The following ATP2B2 variants were observed in gnomAD, a reference collection of about 807,000 sequenced individuals.
ATP2B2 encodes the protein plasma membrane calcium-transporting ATPase 2.
ATP2B2 carries 15 observed loss-of-function variants against 120.0 expected under a neutral mutation model. The ratio of observed to expected loss-of-function variants is 0.12; its 90% CI spans 0.08 to 0.19. The LOEUF (loss-of-function observed/expected upper bound fraction) is 0.19. ATP2B2 is among the 10% of genes least tolerant of loss of function. The pLI is 1.00. For missense variants in ATP2B2, 1,045 were observed against 1,719.8 expected (o/e 0.61, Z 6.94); for synonymous variants, 694 against 700.3 (o/e 0.99, Z 0.14).
At chr3:10,421,035 T>C (rs1162031623) in intron 2 of ATP2B2, among the ~76,000 whole-genome samples, 1 of 152,048 alleles carries the variant, frequency 6.6e-6, no homozygotes, top group Non-Finnish European at 1.5e-5. Flanking sequence ...TTGTTAGAAA[T>C]GCACATTCTC....
At chr3:10,389,944 G>C (rs892821605) in intron 5 of ATP2B2, among the ~76,000 whole-genome samples, 5 of 152,204 alleles carry the variant, frequency 3.3e-5, no homozygotes, top group Admixed American at 2.6e-4. Context: ...CTGGTCCTTT[G>C]TCCTTTGATT....
At chr3:10,639,846 A>T (rs2070123539) in intron 1 of ATP2B2, among the ~76,000 whole-genome samples, 1 of 152,186 alleles carries the variant, frequency 6.6e-6, no homozygotes, top group Admixed American at 6.5e-5. Flanking sequence ...GATGTCTCCC[A>T]TTGCTTAAAC....
At chr3:10,407,082 C>G (rs140148797) in intron 3 of ATP2B2, among the ~76,000 whole-genome samples, 2 of 152,262 alleles carry the variant, frequency 1.3e-5, no homozygotes, top group East Asian at 3.9e-4. Flanking sequence ...GAGTTTCTCC[C>G]CAGTGCGGGA....
intron 1 of ATP2B2, among the ~76,000 whole-genome samples, chr3:10,634,963 G>C (rs563431253): frequency 2.2e-4 from 33 of 152,310 alleles, no homozygotes; most frequent in African/African-American, 7.5e-4. Flanking sequence ...AAGGATCAGA[G>C]GGTTGGGGTG....
rs139722035 is a variant in ATP2B2, at chr3:10,389,183, T to C, written c.782-781A>G. Among the ~76,000 whole-genome samples, 57 of 152,054 alleles carry C rather than the reference T, an allele frequency of 3.7e-4. 1 individual carries two copies. In the East Asian group the frequency reaches 0.011, roughly 29 times the overall value. On this transcript the variant is annotated intron_variant, in intron 5 of 22. Coordinates refer to ENST00000360273, the MANE Select transcript of ATP2B2 (RefSeq NM_001001331.4). ...TTTCCAGGGGCTGGAAGTGTAGCTA[T>C]GGTGGGTGAAGGAGGCCTTTGGTCA...
intron 1 of ATP2B2, among the ~76,000 whole-genome samples, chr3:10,671,981 T>C (rs1263298311): frequency 6.6e-6 from 1 of 152,068 alleles, no homozygotes; most frequent in East Asian, 1.9e-4. Context: ...GGGCAGAGGG[T>C]CCTGAGTTAC....
At chr3:10,525,199 A>C (rs966084502) in intron 3 of ATP2B2, among the ~76,000 whole-genome samples, 3 of 152,064 alleles carry the variant, frequency 2.0e-5, no homozygotes, top group Non-Finnish European at 4.4e-5. Context: ...ATTCAAGAAG[A>C]CCTCAGCACC....
intron 1 of ATP2B2, among the ~76,000 whole-genome samples, chr3:10,655,995 G>A (rs755754583): frequency 1.4e-4 from 21 of 152,188 alleles, no homozygotes; most frequent in Admixed American, 3.9e-4. Flanking sequence ...TGAGAGAGCG[G>A]GGAAAACAAT....
intron 3 of ATP2B2, among the ~76,000 whole-genome samples, chr3:10,515,853 C>T (rs1291991080): frequency 2.6e-5 from 4 of 152,288 alleles, no homozygotes; most frequent in Middle Eastern, 3.4e-3. Context: ...GTTACATGCA[C>T]AATTAATGGT....
intron 2 of ATP2B2, among the ~76,000 whole-genome samples, chr3:10,607,980 CTCA>C (rs1022152212): frequency 3.9e-5 from 6 of 152,186 alleles, no homozygotes; most frequent in African/African-American, 1.4e-4. Flanking sequence ...TGTCCCCTCT[CTCA>C]TCAAGAGGCA....
In ATP2B2 at chr3:10,422,045, C is replaced by A. The variant is rs116330411; in HGVS notation, c.200-11230G>T. Among the ~76,000 whole-genome samples, 296 of 152,290 alleles carry A rather than the reference C, an allele frequency of 1.9e-3. 1 individual carries two copies. Among genetic ancestry groups the A allele is most frequent in the African/African-American group, 5.9e-3 (244 of 41,552 alleles). On this transcript the variant is annotated intron_variant, in intron 2 of 22. Coordinates refer to ENST00000360273, the MANE Select transcript of ATP2B2 (RefSeq NM_001001331.4). The stretch of plus-strand genomic sequence containing the variant: ...GGTTTTGGCCCTGGGGGTCAAACAC[C>A]AACTGAGACCCACCCTTTGCCACTA...
At chr3:10,515,530 G>C (rs2066860868) in intron 3 of ATP2B2, among the ~76,000 whole-genome samples, 1 of 152,082 alleles carries the variant, frequency 6.6e-6, no homozygotes, top group Admixed American at 6.5e-5. Context: ...GACTTGGTGG[G>C]AGCTCTCAGC....
At chr3:10,509,535 C>T (rs73811920), upstream of ATP2B2, among the ~76,000 whole-genome samples, 6,887 of 152,274 alleles carry the variant, frequency 0.045, 373 homozygotes, top group African/African-American at 0.14. Context: ...CAGGGCCTTA[C>T]GTGAAAGTTA....
At chr3:10,536,737 AG>A (rs142030317) in intron 2 of ATP2B2, among the ~76,000 whole-genome samples, 6,945 of 152,210 alleles carry the variant, frequency 0.046, 194 homozygotes, top group East Asian at 0.13. Context: ...TAAGTTGCCC[AG>A]GCTGGTCCTG....
At chr3:10,403,768 G>A (rs1418525505) in intron 3 of ATP2B2, among the ~76,000 whole-genome samples, 1 of 152,256 alleles carries the variant, frequency 6.6e-6, no homozygotes, top group East Asian at 1.9e-4. Context: ...AGCTGGCTGA[G>A]AGAAGGGTAC....
At chr3:10,551,897 C>G (rs2067677509) in intron 2 of ATP2B2, among the ~76,000 whole-genome samples, 1 of 152,210 alleles carries the variant, frequency 6.6e-6, no homozygotes, top group Admixed American at 6.5e-5. Context: ...CTAGGCTGGG[C>G]CAGCTCCCTA....
intron 2 of ATP2B2, among the ~76,000 whole-genome samples, chr3:10,582,105 G>T (rs991429783): frequency 3.3e-5 from 5 of 152,188 alleles, no homozygotes; most frequent in Non-Finnish European, 5.9e-5. Context: ...TTTGGCGCTT[G>T]CAAGAACATT....
At chr3:10,672,864 A>C (rs561978074) in intron 1 of ATP2B2, among the ~76,000 whole-genome samples, 2 of 152,310 alleles carry the variant, frequency 1.3e-5, no homozygotes, top group South Asian at 4.2e-4. Flanking sequence ...ACATTCTTAT[A>C]ATCCAGAGGG....
chr3:10,508,828 A>G (rs1248161886), upstream of ATP2B2, among the ~76,000 whole-genome samples: 1 of 152,166 alleles, frequency 6.6e-6, no homozygotes, highest in Non-Finnish European at 1.5e-5. Context: ...CACAGGGAAG[A>G]GGGGGAAAGA....
Sources: allele counts gnomAD v4.1 joint callset (sites outside exome capture counted in the v4.1 genomes callset), GRCh38; gene constraint gnomAD v4.1.1; transcripts MANE v1.5; gene names NCBI Gene and HGNC (gene_info 2026-07-23, HGNC 2026-07-21).